TULP1: variants seen among roughly 807,000 people sequenced by gnomAD.
TULP1 encodes the protein tubby-related protein 1.
In TULP1, 50 loss-of-function variants were observed where a neutral mutation model predicts 67.1. The ratio of observed to expected loss-of-function variants is 0.75; its 90% CI spans 0.59 to 0.94. The LOEUF is 0.94. TULP1 is among the 40% of genes least tolerant of loss of function. TULP1 has a pLI of 0.00. For missense variants in TULP1, 746 were observed against 734.1 expected (o/e 1.02, Z -0.19); for synonymous variants, 297 against 294.0 (o/e 1.01, Z -0.11).
intron 4 of TULP1, among the ~76,000 whole-genome samples, chr6:35,511,405 G>A (rs935375361): frequency 3.9e-5 from 6 of 152,110 alleles, no homozygotes; most frequent in Non-Finnish European, 7.4e-5. Context: ...TGCTGGTTAA[G>A]GCAAAAACCC....
chr6:35,499,682 A>C (rs1488804294), intron 14 of TULP1, among the ~76,000 whole-genome samples: 1 of 146,824 alleles, frequency 6.8e-6, no homozygotes, highest in Non-Finnish European at 1.5e-5. Context: ...AGACTCTAGG[A>C]GCCAACCCTC....
intron 13 of TULP1, 76 bp from the exon 14 acceptor site, chr6:35,500,228 G>A (rs1768809612): frequency 1.3e-6 from 2 of 1,535,010 alleles, no homozygotes; most frequent in Non-Finnish European, 1.8e-6. Context: ...GACCGGAGAA[G>A]GGGCCTGGGC....
At chr6:35,499,872 G>T (rs1303647552) in intron 14 of TULP1, 109 bp downstream of exon 14, 3 of 1,373,378 alleles carry the variant, frequency 2.2e-6, no homozygotes, top group African/African-American at 1.4e-5. Context: ...CCCAGCTCTC[G>T]GGATAAAGGC....
intron 5 of TULP1, 82 bp downstream of exon 5, chr6:35,510,779 G>A: frequency 6.2e-7 from 1 of 1,606,216 alleles, no homozygotes; most frequent in Middle Eastern, 1.7e-4. Flanking sequence ...CTCAATCGCT[G>A]TGTCTCAGTG....
chr6:35,510,059 T>A, intron 5 of TULP1, 131 bp from the exon 6 acceptor site: 1 of 783,752 alleles, frequency 1.3e-6, no homozygotes, highest in Non-Finnish European at 2.0e-6. Context: ...GCCTGCCTTC[T>A]TTTTCTTTTT....
At position 35,512,799 on chromosome 6, in the gene TULP1, G is replaced by A. The variant is rs1297913121; in HGVS notation, c.47+13C>T. The A allele has an allele frequency of 1.2e-6, 2 of 1,609,086 alleles. No individual in the cohort carries two copies. The highest frequency in any genetic ancestry group is 1.7e-6 in the Non-Finnish European group (2 of 1,178,460). On this transcript the variant is annotated intron_variant, in intron 1 of 14. Transcript: ENST00000229771. ...CCAGGGTTCAGGTGCCACGAACTGGGGGCCTTCCAGACCTGTCAGAGGCCC... is the reference window on the plus strand; with the variant it reads ...CCAGGGTTCAGGTGCCACGAACTGGAGGCCTTCCAGACCTGTCAGAGGCCC...
In TULP1 at chr6:35,506,191, G is replaced by T. The variant is rs1268614414; in HGVS notation, c.829-18C>A. Reference sequence around the variant, plus strand: ...TCCTCCTTCTGGGTGGGGGCAGAGGGTACATCAGCCCCAGAGCACCAGCTC... The same window carrying T: ...TCCTCCTTCTGGGTGGGGGCAGAGGTTACATCAGCCCCAGAGCACCAGCTC... On this transcript the variant is annotated intron_variant, in intron 9 of 14. Coordinates refer to ENST00000229771, the MANE Select transcript of TULP1 (RefSeq NM_003322.6). 3 of 1,613,108 alleles carry T rather than the reference G, an allele frequency of 1.9e-6. No individual in the cohort carries two copies. The highest frequency in any genetic ancestry group is 1.7e-5 in the Admixed American group (1 of 59,988).
Position 35,509,267 on chromosome 6 carries a change from G to GCCT in TULP1, c.761_763dup (p.Glu254dup). On this transcript the variant is annotated inframe_insertion, in exon 8 of 15. Coordinates refer to ENST00000229771, the MANE Select transcript of TULP1 (RefSeq NM_003322.6). ...ATTGCTCTTCTTTATCACCGTAGCT[G>GCCT]CCTCCTCCTCCTCTTCTTCCTCCTT... 1 of 1,613,690 alleles carries GCCT rather than the reference G, an allele frequency of 6.2e-7. No individual in the cohort carries two copies. The highest frequency in any genetic ancestry group is 8.5e-7 in the Non-Finnish European group (1 of 1,179,718).
intron 8 of TULP1, among the ~76,000 whole-genome samples, chr6:35,506,556 A>G (rs569115103): frequency 1.3e-5 from 2 of 152,360 alleles, no homozygotes; most frequent in South Asian, 2.1e-4. Flanking sequence ...AGAAGTAGGT[A>G]TAGTAGGGGT....
Position 35,512,556 on chromosome 6 carries a change from C to G in TULP1, c.99+83G>C, listed in dbSNP as rs542041361. 20 of 1,583,174 alleles carry G rather than the reference C, an allele frequency of 1.3e-5. 1 individual carries two copies. The South Asian group carries it at 2.0e-4, about 16-fold the overall frequency. On this transcript the variant is annotated intron_variant, in intron 2 of 14. Coordinates refer to ENST00000229771, the MANE Select transcript of TULP1 (RefSeq NM_003322.6). ...CCAGACCCTGCTAAGGGGGACCTGT[C>G]CCACCCCTAGACCCCCTACCCTGCG...
chr6:35,498,134 G>T lies in TULP1; in HGVS notation c.*193C>A. 1.1e-6 allele frequency: 1 copy of T among 886,152 alleles called. No homozygotes were observed. The highest frequency in any genetic ancestry group is 1.7e-6 in the Non-Finnish European group (1 of 596,488). 54.9% of individuals were successfully genotyped at this position (886,152 alleles called of 1,614,324 possible). A position where few individuals can be genotyped will look rare whatever the true frequency, so the allele number is the denominator to read the frequency against. ...GATGTTCTTCATCTCCGTCCTACCC[G>T]CCGTCCGGGCTCCTCCTGCCTCGGC... is the stretch of plus-strand genomic sequence containing the variant. On this transcript the variant is annotated 3_prime_UTR_variant, in exon 15 of 15. Coordinates refer to ENST00000229771, the MANE Select transcript of TULP1 (RefSeq NM_003322.6). The surrounding 1 kb of genome is among the most constrained non-coding windows in gnomAD (Gnocchi z 6.7).
chr6:35,512,289 G>A lies in TULP1; in HGVS notation c.100-19C>T. 1 of 1,337,060 alleles carries A rather than the reference G, an allele frequency of 7.5e-7. No homozygotes were observed. The highest frequency in any genetic ancestry group is 9.8e-7 in the Non-Finnish European group (1 of 1,017,236). 82.8% of individuals were successfully genotyped at this position (1,337,060 alleles called of 1,614,324 possible). A position where few individuals can be genotyped will look rare whatever the true frequency, so the allele number is the denominator to read the frequency against. On this transcript the variant is annotated intron_variant, in intron 2 of 14. Coordinates refer to ENST00000229771, the MANE Select transcript of TULP1 (RefSeq NM_003322.6). ...CGGGTCGCTGCGGAACGGGGGTCAA[G>A]AGGAGGTCGAGGAAGGAAAGGGGGG... is the stretch of plus-strand genomic sequence containing the variant.
In TULP1 at chr6:35,509,919, C is replaced by T; in HGVS notation, c.509G>A (p.Gly170Glu). 1 of 1,613,770 alleles carries T rather than the reference C, an allele frequency of 6.2e-7. No individual in the cohort carries two copies. Among genetic ancestry groups the T allele is most frequent in the Non-Finnish European group, 8.5e-7 (1 of 1,180,000 alleles). ...AGGTTTCGGTGGGGGGTCAGGGCTTCCCAGGTCTCCTGGAAATGGAAGATG... is the reference window on the plus strand; with the variant it reads ...AGGTTTCGGTGGGGGGTCAGGGCTTTCCAGGTCTCCTGGAAATGGAAGATG... Reference protein sequence around the residue: ...AKAQGPRGDLGSPDPPPKPLR... With the variant: ...AKAQGPRGDLESPDPPPKPLR... Residue 170 changes from glycine to glutamate, a missense_variant, in exon 6 of 15, where the codon GGA becomes GAA. Gly to Glu is a moderately conservative substitution (Grantham distance 98). Transcript: ENST00000229771.
intron 8 of TULP1, among the ~76,000 whole-genome samples, chr6:35,506,958 C>G (rs1554125806): frequency 6.6e-6 from 1 of 151,972 alleles, no homozygotes; most frequent in African/African-American, 2.4e-5. Context: ...TAATGAATAC[C>G]ATAGTCAAGA....
At chr6:35,510,365 C>T (rs986413795) in intron 5 of TULP1, among the ~76,000 whole-genome samples, 6 of 152,178 alleles carry the variant, frequency 3.9e-5, no homozygotes, top group African/African-American at 1.4e-4. Context: ...GCCTTTTGTC[C>T]CATGTCCTCC....
chr6:35,512,136 A>T lies in TULP1; in HGVS notation c.190+44T>A, dbSNP rs919467834. The stretch of plus-strand genomic sequence containing the variant: ...CGGCCCTCAAGCCCCTCCCTTCCGC[A>T]GCCCACACCCTGGGGGTCCACCCGG... On this transcript the variant is annotated intron_variant, in intron 3 of 14. Coordinates refer to ENST00000229771, the MANE Select transcript of TULP1 (RefSeq NM_003322.6). 1.6e-5 allele frequency: 18 copies of T among 1,157,814 alleles called. No homozygotes were observed. The African/African-American group carries it at 2.6e-4, about 17-fold the overall frequency. 71.7% of individuals were successfully genotyped at this position (1,157,814 alleles called of 1,614,324 possible). A position where few individuals can be genotyped will look rare whatever the true frequency, so the allele number is the denominator to read the frequency against.
rs1487555931 is a variant in TULP1 at position 35,500,125 on chromosome 6, G to C, written c.1351C>G (p.Gln451Glu). ...NASDGLLVRW[Q>E]NKTLESLIEL... ...ATGAGGCTCTCCAGCGTCTTGTTCT[G>C]CCAGCGCACCAGCAGGCCGTCACTA... The change falls in exon 14 of 15, where the codon CAG (glutamine) becomes GAG (glutamate). Residue 451 changes from glutamine to glutamate, a missense_variant. By Grantham distance (29) the Gln-to-Glu change is conservative. This residue lies in a region of TULP1 where 383 missense variants were observed against 374.1 expected (regional missense o/e 1.02). Transcript: ENST00000229771. The C allele has an allele frequency of 2.5e-6, 4 of 1,614,004 alleles. No individual in the cohort carries two copies. The highest frequency in any genetic ancestry group is 3.4e-6 in the Non-Finnish European group (4 of 1,180,032).
In TULP1 at chr6:35,512,837, G is replaced by C. The variant is rs1278591973; in HGVS notation, c.22C>G (p.Leu8Val). 1.2e-6 allele frequency: 2 copies of C among 1,612,966 alleles called. No individual in the cohort carries two copies. Among genetic ancestry groups the C allele is most frequent in the Non-Finnish European group, 1.7e-6 (2 of 1,179,984 alleles). Residue 8 changes from leucine to valine, a missense_variant, in exon 1 of 15, where the codon CTC (leucine) becomes GTC (valine). Around this residue, in one of 3 missense-constraint regions of TULP1, gnomAD observed 359 missense variants for 341.9 expected, o/e 1.05. Transcript: ENST00000229771. MPLRDET[L>V]REVWASDSGH... ...CTGTCAGAGGCCCACACCTCTCGGAGGGTTTCATCCCGCAGAGGCATGGTG... is the reference window on the plus strand; with the variant it reads ...CTGTCAGAGGCCCACACCTCTCGGACGGTTTCATCCCGCAGAGGCATGGTG...
chr6:35,507,461 T>C (rs1761109143), intron 8 of TULP1, among the ~76,000 whole-genome samples: 1 of 152,060 alleles, frequency 6.6e-6, no homozygotes. Context: ...AAGTAAATGT[T>C]GTTTTAAGAT....
Sources: allele counts gnomAD v4.1 joint callset (sites outside exome capture counted in the v4.1 genomes callset), GRCh38; gene constraint gnomAD v4.1.1; regional missense constraint gnomAD v4.1.1; non-coding constraint Gnocchi (gnomAD v3.1); transcripts MANE v1.5; gene names NCBI Gene and HGNC (gene_info 2026-07-23, HGNC 2026-07-21).